Variants in C3orf22 observed in about 807,000 individuals in gnomAD.
C3orf22 encodes chromosome 3 open reading frame 22.
In C3orf22, 7 loss-of-function variants were observed where a neutral mutation model predicts 10.8. The observed-to-expected ratio is 0.65, with a 90% CI of 0.37 to 1.22. The LOEUF is 1.22. Ranked by LOEUF, C3orf22 falls within the 50% of genes most tolerant of loss-of-function variation. The probability of loss-of-function intolerance (pLI) is 0.02; values close to 1 mark genes in which losing one functional copy is unlikely to be tolerated. For missense variants in C3orf22, 173 were observed against 177.0 expected (o/e 0.98, Z 0.13); for synonymous variants, 79 against 78.9 (o/e 1.00, Z 0.00).
intron 3 of C3orf22, among the ~76,000 whole-genome samples, chr3:126,551,160 G>T (rs918817003): frequency 3.9e-5 from 6 of 152,214 alleles, no homozygotes; most frequent in African/African-American, 1.2e-4. Context: ...CCAGGTGTGT[G>T]TTCAGGGGAA....
chr3:126,530,438 C>T (rs574403516), intron 4 of C3orf22, among the ~76,000 whole-genome samples: 5 of 152,300 alleles, frequency 3.3e-5, no homozygotes, highest in South Asian at 2.1e-4. Context: ...AGGCCTGGGT[C>T]GGCTTCTCAG....
intron 4 of C3orf22, chr3:126,542,034 A>G (rs1283823942): frequency 1.9e-6 from 3 of 1,573,430 alleles, no homozygotes; most frequent in Admixed American, 1.8e-5. Context: ...GCCGAGATCA[A>G]CCGGCGCCTG....
intron 4 of C3orf22, chr3:126,542,807 C>T (rs1472392281): frequency 8.5e-6 from 4 of 468,388 alleles, no homozygotes; most frequent in Non-Finnish European, 1.4e-5. Flanking sequence ...GGCCTGCTTC[C>T]TCCACTTGCT....
At position 126,542,145 on chromosome 3, in the gene C3orf22, G is replaced by A. The variant is rs1207802439; in HGVS notation, c.286+7392C>T. 4 of 1,555,518 alleles carry A rather than the reference G, an allele frequency of 2.6e-6. No homozygotes were observed. The East Asian group carries it at 7.3e-5, about 29-fold the overall frequency. On this transcript the variant is annotated intron_variant and NMD_transcript_variant, in intron 4 of 5. Coordinates refer to the C3orf22 transcript ENST00000505070. ...CGCCCCTACAGCGCCGCCTTCCAGA[G>A]GCGCTACGGTGCACGCATCGTTCAG...
rs1366766367 is a variant in C3orf22 at position 126,549,961 on chromosome 3, G to A, written c.333C>T (p.Pro111=). ...TGGACAGCAGGAAGGCGAGTTGTCT[G>A]GGGAAGCGGCGACTCAGCAACTTGA... The part of the protein sequence containing the change: ...WELKLLSRRF[P]RQLAFLLSTR... The change falls in exon 4 of 4, where the codon CCC becomes CCT. Residue 111 remains proline, a synonymous_variant. Transcript: ENST00000318225. 6.2e-7 allele frequency: 1 copy of A among 1,614,140 alleles called. No homozygotes were observed. The highest frequency in any genetic ancestry group is 1.7e-5 in the Admixed American group (1 of 60,026).
intron 4 of C3orf22, among the ~76,000 whole-genome samples, chr3:126,544,613 G>T (rs1265540453): frequency 6.6e-6 from 1 of 152,160 alleles, no homozygotes; most frequent in East Asian, 1.9e-4. Context: ...ACATGCCTTT[G>T]TTCCCAGCTC....
At chr3:126,547,695 T>C (rs1052441196), downstream of C3orf22, among the ~76,000 whole-genome samples, 1 of 152,104 alleles carries the variant, frequency 6.6e-6, no homozygotes, top group Admixed American at 6.5e-5. Flanking sequence ...GGGAACTCTC[T>C]GGAAATTGTT....
At chr3:126,529,307 G>C (rs1275254002) in exon 5 of C3orf22, 2 of 1,289,064 alleles carry the variant, frequency 1.6e-6, no homozygotes, top group Non-Finnish European at 1.0e-6. Flanking sequence ...GCCTTGAGCA[G>C]CTCTCTCTGC....
In C3orf22 at chr3:126,552,028, A is replaced by G. The variant is rs768115565; in HGVS notation, c.184T>C (p.Leu62=). 3 of 1,613,326 alleles carry G rather than the reference A, an allele frequency of 1.9e-6. No homozygotes were observed. The Admixed American group carries it at 5.0e-5, about 27-fold the overall frequency. ...ACTGGGATGGACCTCGTTGGCACCA[A>G]CCTCTTCTGCAGGGGCAGCTGCACC... The part of the protein sequence containing the change: ...NTVQLPLQKR[L]VPTRSIPVRG... The change falls in exon 3 of 4, where the codon TTG becomes CTG. Residue 62 remains leucine (L), a synonymous_variant. Transcript: ENST00000318225.
chr3:126,530,549 C>T (rs1289440671), intron 4 of C3orf22, among the ~76,000 whole-genome samples: 1 of 152,240 alleles, frequency 6.6e-6, no homozygotes, highest in Non-Finnish European at 1.5e-5. Context: ...AGGGACACGT[C>T]TCATCTGCAA....
At chr3:126,542,506 C>A in intron 4 of C3orf22, 1 of 1,568,570 alleles carries the variant, frequency 6.4e-7, no homozygotes, top group Non-Finnish European at 8.6e-7. Flanking sequence ...ACCAGCGGCG[C>A]CTCTTCGACC....
intron 4 of C3orf22, chr3:126,542,957 G>A: frequency 6.2e-6 from 1 of 160,448 alleles, no homozygotes; most frequent in Non-Finnish European, 1.4e-5. Context: ...TGCTGACACC[G>A]GTGTCAGTGT....
chr3:126,550,945 C>T (rs755362245), intron 3 of C3orf22, among the ~76,000 whole-genome samples: 3 of 152,258 alleles, frequency 2.0e-5, no homozygotes, highest in Non-Finnish European at 4.4e-5. Flanking sequence ...AGACCAGGAA[C>T]ATCTGAGCTC....
At chr3:126,537,612 G>A (rs558516513) in intron 4 of C3orf22, among the ~76,000 whole-genome samples, 3 of 152,202 alleles carry the variant, frequency 2.0e-5, no homozygotes, top group Non-Finnish European at 4.4e-5. Flanking sequence ...CAGGCTGACG[G>A]TAGGACAGGC....
rs1163317402 is a variant in C3orf22, at chr3:126,558,639, T to C, written c.-53A>G. 6.6e-6 allele frequency: 1 copy of C among 152,322 alleles called. No homozygotes were observed. The highest frequency in any genetic ancestry group is 1.5e-5 in the Non-Finnish European group (1 of 68,094). 9.4% of individuals were successfully genotyped at this position (152,322 alleles called of 1,614,324 possible). A position where few individuals can be genotyped will look rare whatever the true frequency, so the allele number is the denominator to read the frequency against. ...TGCTAGCACTCACCAGGCAGCTACC[T>C]TGAATTCTGGCAGTGACGATGATCA... is the stretch of plus-strand genomic sequence containing the variant. On this transcript the variant is annotated 5_prime_UTR_variant, in exon 1 of 4. Coordinates refer to ENST00000318225, the MANE Select transcript of C3orf22 (RefSeq NM_152533.3).
chr3:126,536,408 C>A, intron 4 of C3orf22: 2 of 1,400,340 alleles, frequency 1.4e-6, no homozygotes, highest in African/African-American at 2.8e-5. Context: ...AGCCAGGAGC[C>A]TGACAGCAAC....
At chr3:126,538,591 C>T (rs1936852904) in intron 4 of C3orf22, among the ~76,000 whole-genome samples, 1 of 152,212 alleles carries the variant, frequency 6.6e-6, no homozygotes, top group South Asian at 2.1e-4. Flanking sequence ...GACAGGTGGC[C>T]GGATGGCCAA....
chr3:126,553,475 G>A, intron 1 of C3orf22, 45 bp from the exon 2 acceptor site: 2 of 1,225,344 alleles, frequency 1.6e-6, no homozygotes, highest in Non-Finnish European at 2.4e-6. Flanking sequence ...GGTGGTGGGG[G>A]GCAGAAGGCA....
chr3:126,542,731 C>A, intron 4 of C3orf22: 1 of 1,213,170 alleles, frequency 8.2e-7, no homozygotes, highest in Non-Finnish European at 1.1e-6. Context: ...CACACCTGGC[C>A]AGGCTTGGGG....
Sources: allele counts gnomAD v4.1 joint callset (sites outside exome capture counted in the v4.1 genomes callset), GRCh38; gene constraint gnomAD v4.1.1; transcripts MANE v1.5; gene names NCBI Gene and HGNC (gene_info 2026-07-23, HGNC 2026-07-21).